Variants in SIPA1L3 observed in about 807,000 individuals in gnomAD.
SIPA1L3 encodes signal induced proliferation associated 1 like 3.
Under a neutral mutation model 150.1 loss-of-function variants are expected in SIPA1L3, and 59 were observed. The ratio of observed to expected loss-of-function variants is 0.39; its 90% CI spans 0.32 to 0.49. The LOEUF (loss-of-function observed/expected upper bound fraction) is 0.49, where lower values mean the gene tolerates loss of function less well. Ranked by LOEUF, SIPA1L3 falls within the 20% of genes least tolerant of loss-of-function variation. The pLI, the probability that SIPA1L3 is intolerant of heterozygous loss-of-function variation, is 0.86. For missense variants in SIPA1L3, 2,211 were observed against 2,489.5 expected (o/e 0.89, Z 2.38); for synonymous variants, 1,070 against 1,077.6 (o/e 0.99, Z 0.14).
rs1381449781 is a variant in SIPA1L3 at position 38,102,052 on chromosome 19, T to C, written c.2029+826T>C. 6.8e-5 allele frequency among the ~76,000 whole-genome samples: 10 copies of C among 147,850 alleles called. No individual in the cohort carries two copies. In the East Asian group the frequency reaches 1.6e-3, roughly 23 times the overall value. On this transcript the variant is annotated intron_variant, in intron 6 of 21. Transcript: ENST00000222345. ...TTTTTTTCTTTTCTTTTCTTTTCTT[T>C]TTTTTTTTTTTTTTGAAACAGTCTG...
chr19:37,908,702 CT>C (rs1568460080), intron 1 of SIPA1L3, among the ~76,000 whole-genome samples: 1 of 151,970 alleles, frequency 6.6e-6, no homozygotes, highest in Non-Finnish European at 1.5e-5. Flanking sequence ...TATCTTCCCC[CT>C]CCCTCCCAAA....
At chr19:38,120,527 A>G (rs980128601) in intron 9 of SIPA1L3, among the ~76,000 whole-genome samples, 7 of 152,202 alleles carry the variant, frequency 4.6e-5, no homozygotes, top group African/African-American at 1.7e-4. Flanking sequence ...ATTAAAATAG[A>G]ATGAAAAATG....
chr19:38,154,353 T>C (rs1971894708), intron 13 of SIPA1L3, among the ~76,000 whole-genome samples: 1 of 152,250 alleles, frequency 6.6e-6, no homozygotes, highest in South Asian at 2.1e-4. Flanking sequence ...TTCTTGTGCC[T>C]GTCTTTTGAT....
intron 1 of SIPA1L3, among the ~76,000 whole-genome samples, chr19:37,940,267 TA>T (rs987838295): frequency 2.5e-5 from 3 of 118,650 alleles, no homozygotes; most frequent in Admixed American, 8.9e-5. Context: ...GGTGACAGGC[TA>T]AAAAAAAACC....
At chr19:38,182,947 G>A (rs866000802) in intron 16 of SIPA1L3, 1 of 542,240 alleles carries the variant, frequency 1.8e-6, no homozygotes. Flanking sequence ...CCAACAATAA[G>A]TAGAATAAGA....
At chr19:38,048,731 TGAA>T (rs1969117009) in intron 2 of SIPA1L3, among the ~76,000 whole-genome samples, 1 of 152,198 alleles carries the variant, frequency 6.6e-6, no homozygotes, top group Admixed American at 6.5e-5. Flanking sequence ...GGTTTTCTTT[TGAA>T]GAAGTTTAGT....
At chr19:38,170,425 G>A (rs1190757463) in intron 15 of SIPA1L3, among the ~76,000 whole-genome samples, 1 of 152,096 alleles carries the variant, frequency 6.6e-6, no homozygotes, top group Non-Finnish European at 1.5e-5. Context: ...TCGTCAGAAC[G>A]TGCCCCTGGG....
At chr19:37,931,131 G>A (rs2046550152) in intron 1 of SIPA1L3, among the ~76,000 whole-genome samples, 2 of 152,194 alleles carry the variant, frequency 1.3e-5, no homozygotes, top group African/African-American at 4.8e-5. Flanking sequence ...GGAATAAAGT[G>A]GACCTGACTG....
chr19:38,081,842 C>G lies in SIPA1L3; in HGVS notation c.277C>G (p.Leu93Val). 1 of 1,613,956 alleles carries G rather than the reference C, an allele frequency of 6.2e-7. No individual in the cohort carries two copies. Among genetic ancestry groups the G allele is most frequent in the Non-Finnish European group, 8.5e-7 (1 of 1,179,918 alleles). Residue 93 changes from leucine (L) to valine (V), a missense_variant, in exon 3 of 22, where the codon CTG (leucine) becomes GTG (valine). By Grantham distance (32) the Leu-to-Val change is conservative. Coordinates refer to ENST00000222345, the MANE Select transcript of SIPA1L3 (RefSeq NM_015073.3). ...CGACTGGCCGCCCAAGCGGGAGGCC[C>G]TGAGAGAGCACAGCAACCCAAGCCC... is the stretch of plus-strand genomic sequence containing the variant. ...VADWPPKREA[L>V]REHSNPSPSQ...
chr19:38,163,708 G>A (rs909498120), intron 14 of SIPA1L3, among the ~76,000 whole-genome samples: 1 of 152,062 alleles, frequency 6.6e-6, no homozygotes, highest in South Asian at 2.1e-4. Flanking sequence ...AGTATGTTCC[G>A]AGAATAGCAA....
intron 2 of SIPA1L3, among the ~76,000 whole-genome samples, chr19:38,064,506 G>C (rs1404329606): frequency 6.6e-6 from 1 of 152,228 alleles, no homozygotes; most frequent in Non-Finnish European, 1.5e-5. Context: ...AGACCAGCCT[G>C]GCCAACATGG....
intron 2 of SIPA1L3, among the ~76,000 whole-genome samples, chr19:38,052,930 G>A (rs1969230706): frequency 1.3e-5 from 2 of 152,346 alleles, no homozygotes; most frequent in South Asian, 2.1e-4. Flanking sequence ...TGAGGACACC[G>A]TGCCGGAGAG....
intron 2 of SIPA1L3, among the ~76,000 whole-genome samples, chr19:38,074,244 A>C (rs1969787743): frequency 6.6e-6 from 1 of 152,244 alleles, no homozygotes; most frequent in Admixed American, 6.5e-5. Context: ...GGATTTGTTC[A>C]GAGAGACGAA....
intron 21 of SIPA1L3, among the ~76,000 whole-genome samples, 174 bp from the exon 22 acceptor site, chr19:38,205,923 C>T (rs2146080781): frequency 6.6e-6 from 1 of 152,324 alleles, no homozygotes; most frequent in Admixed American, 6.5e-5. Flanking sequence ...GTGACTTGCC[C>T]AGGGTCCCTC....
Position 38,164,712 on chromosome 19 carries a change from T to C in SIPA1L3, c.4014T>C (p.Pro1338=). Reference sequence around the variant, plus strand: ...GGCCCGCCAAGCCACACAAGCCCCCTGGAAGTATGGGCCTTTGTGGCGGGG... The same window carrying C: ...GGCCCGCCAAGCCACACAAGCCCCCCGGAAGTATGGGCCTTTGTGGCGGGG... ...APRPAKPHKP[P]GSMGLCGGGR... The change falls in exon 15 of 22, where the codon CCT becomes CCC. Residue 1338 remains proline (P), a synonymous_variant. Transcript: ENST00000222345. This position sits in a 1 kb window ranked among gnomAD's most constrained non-coding sequence, Gnocchi z 4.1. 1.2e-6 allele frequency: 2 copies of C among 1,614,016 alleles called. No individual in the cohort carries two copies. Among genetic ancestry groups the C allele is most frequent in the South Asian group, 2.2e-5 (2 of 91,068 alleles).
rs1969977717 is a variant in SIPA1L3, at chr19:38,081,511, C to T, written c.-55C>T. 8.7e-6 allele frequency: 13 copies of T among 1,492,620 alleles called. No homozygotes were observed. The South Asian group carries it at 1.5e-4, about 18-fold the overall frequency. 92.5% of individuals were successfully genotyped at this position (1,492,620 alleles called of 1,614,324 possible). ...AACAATGGCTGAGGGCTGGGGGACC[C>T]CATAGAGTGACACCACAGCGTACGG... On this transcript the variant is annotated 5_prime_UTR_variant, in exon 3 of 22. Coordinates refer to ENST00000222345, the MANE Select transcript of SIPA1L3 (RefSeq NM_015073.3).
chr19:37,996,517 G>A (rs985154163), intron 1 of SIPA1L3, among the ~76,000 whole-genome samples: 1 of 151,876 alleles, frequency 6.6e-6, no homozygotes, highest in Non-Finnish European at 1.5e-5. Flanking sequence ...TGCTTTTTTT[G>A]TAGTGAGAAC....
intron 3 of SIPA1L3, among the ~76,000 whole-genome samples, chr19:38,088,010 A>AG (rs1568543432): frequency 6.6e-6 from 1 of 150,872 alleles, no homozygotes; most frequent in Non-Finnish European, 1.5e-5. Flanking sequence ...AGTCTCAAAA[A>AG]GAAAAAAAAA....
chr19:37,989,876 T>G (rs1420196423), intron 1 of SIPA1L3, among the ~76,000 whole-genome samples: 4 of 152,078 alleles, frequency 2.6e-5, no homozygotes, highest in Non-Finnish European at 5.9e-5. Context: ...CACTGCTTGT[T>G]GGGTGGCACA....
Sources: allele counts gnomAD v4.1 joint callset (sites outside exome capture counted in the v4.1 genomes callset), GRCh38; gene constraint gnomAD v4.1.1; non-coding constraint Gnocchi (gnomAD v3.1); transcripts MANE v1.5; gene names NCBI Gene and HGNC (gene_info 2026-07-23, HGNC 2026-07-21).